ASIC2: variants seen among roughly 807,000 people sequenced by gnomAD.
ASIC2 encodes the protein acid-sensing ion channel 2.
In ASIC2, 25 loss-of-function variants were observed where a neutral mutation model predicts 57.3. The observed-to-expected ratio is 0.44, with a 90% CI of 0.32 to 0.61. The LOEUF (loss-of-function observed/expected upper bound fraction) is 0.61. Ranked by LOEUF, ASIC2 falls within the 20% of genes least tolerant of loss-of-function variation. The pLI is 0.06. For synonymous variants in ASIC2, 319 were observed against 307.5 expected, an observed-to-expected ratio of 1.04 and a Z score of -0.39; for missense variants, 641 against 738.1, an observed-to-expected ratio of 0.87 and a Z score of 1.52.
chr17:34,002,664 G>A (rs914137270), intron 1 of ASIC2: 6 of 152,156 alleles, frequency 3.9e-5, no homozygotes, highest in Non-Finnish European at 1.5e-5. Context: ...AAGGGAAACT[G>A]TGCTGTATCC....
intron 1 of ASIC2, among the ~76,000 whole-genome samples, chr17:33,202,853 A>G (rs1252091456): frequency 6.6e-6 from 1 of 152,012 alleles, no homozygotes; most frequent in Non-Finnish European, 1.5e-5. Flanking sequence ...GGGGATGGTC[A>G]TGTCCTTCAG....
intron 1 of ASIC2, among the ~76,000 whole-genome samples, chr17:33,867,575 C>G: frequency 6.6e-6 from 1 of 152,118 alleles, no homozygotes; most frequent in East Asian, 1.9e-4. Context: ...ATTAAGGAGG[C>G]TATGAGGGTT....
chr17:33,174,243 A>G (rs111545568), intron 1 of ASIC2, among the ~76,000 whole-genome samples: 8,514 of 151,990 alleles, frequency 0.056, 579 homozygotes, highest in African/African-American at 0.15. Flanking sequence ...CCAACATGGT[A>G]AAACCCTGTC....
chr17:33,739,975 GAAAGAAAGAAA>G (rs1473831545), intron 1 of ASIC2, among the ~76,000 whole-genome samples: 1 of 143,752 alleles, frequency 7.0e-6, no homozygotes, highest in African/African-American at 2.6e-5. Flanking sequence ...AAAGAAGAAA[GAAAGAAAGAAA>G]AAAGAAAGAA....
At chr17:33,945,820 C>T (rs2141981763) in intron 1 of ASIC2, among the ~76,000 whole-genome samples, 1 of 152,330 alleles carries the variant, frequency 6.6e-6, no homozygotes, top group Non-Finnish European at 1.5e-5. Context: ...CTGGTCAGAG[C>T]AGCAGGCAGT....
intron 3 of ASIC2, among the ~76,000 whole-genome samples, chr17:33,043,088 G>A (rs771158963): frequency 9.2e-5 from 14 of 152,038 alleles, no homozygotes; most frequent in African/African-American, 2.4e-4. Context: ...CACCACGCCC[G>A]GCTAATTTTT....
chr17:33,534,207 A>C (rs1915151182), intron 1 of ASIC2: 1 of 152,096 alleles, frequency 6.6e-6, no homozygotes, highest in South Asian at 2.1e-4. Context: ...ATCACTCCCC[A>C]GCATCATTCT....
chr17:33,953,117 T>G, intron 1 of ASIC2, among the ~76,000 whole-genome samples: 1 of 152,296 alleles, frequency 6.6e-6, no homozygotes, highest in Admixed American at 6.5e-5. Context: ...TATGAGATCA[T>G]CTACATACAA....
chr17:34,122,009 C>T (rs1375243407), intron 1 of ASIC2, among the ~76,000 whole-genome samples: 1 of 152,110 alleles, frequency 6.6e-6, no homozygotes, highest in Non-Finnish European at 1.5e-5. Context: ...CAGTGCTTTG[C>T]TGCAGGGAGC....
At chr17:33,407,638 A>G (rs2048648052) in intron 1 of ASIC2, among the ~76,000 whole-genome samples, 1 of 152,230 alleles carries the variant, frequency 6.6e-6, no homozygotes, top group Non-Finnish European at 1.5e-5. Context: ...AATTTAATAA[A>G]ATAAAGTTAG....
intron 1 of ASIC2, among the ~76,000 whole-genome samples, chr17:33,689,982 G>A (rs1908315602): frequency 6.6e-6 from 1 of 152,236 alleles, no homozygotes; most frequent in African/African-American, 2.4e-5. Context: ...CTCCAAAACT[G>A]AGTCCAGAAA....
intron 1 of ASIC2, among the ~76,000 whole-genome samples, chr17:33,154,877 G>C (rs1904936053): frequency 6.6e-6 from 1 of 152,186 alleles, no homozygotes; most frequent in East Asian, 1.9e-4. Flanking sequence ...TTTCCTAACA[G>C]GTGGTTTGTG....
chr17:33,098,978 A>T lies in ASIC2; in HGVS notation c.860-9988T>A, dbSNP rs12325816. Among the ~76,000 whole-genome samples the T allele has an allele frequency of 2.3e-3, 345 of 148,566 alleles. 2 individuals carry two copies. The highest frequency in any genetic ancestry group is 8.4e-3 in the East Asian group (43 of 5,144). ...TATAAACAAAAATATATAAACAAAA[A>T]ATATATATATAAAAACAAAATATAT... On this transcript the variant is annotated intron_variant, in intron 2 of 9. Coordinates refer to ENST00000225823, the MANE Select transcript of ASIC2 (RefSeq NM_183377.2).
intron 2 of ASIC2, among the ~76,000 whole-genome samples, chr17:33,097,915 A>G (rs2092190057): frequency 6.6e-6 from 1 of 152,240 alleles, no homozygotes; most frequent in African/African-American, 2.4e-5. Context: ...GGAAAGCCCA[A>G]GGCCAGGGAA....
chr17:33,464,502 T>TTC (rs1206749400), intron 1 of ASIC2, among the ~76,000 whole-genome samples: 35 of 37,188 alleles, frequency 9.4e-4, no homozygotes, highest in South Asian at 3.4e-3. Context: ...CTTTCTTTCT[T>TTC]TCTTTCTTTC....
rs1231626009 is a variant in ASIC2 at position 33,435,057 on chromosome 17, A to G, written c.556-322990T>C. ...TCAAGAAACCAGGACACTCATTTTGAAGGGACAGAGATACAGACATACTAG... is the reference window on the plus strand; with the variant it reads ...TCAAGAAACCAGGACACTCATTTTGGAGGGACAGAGATACAGACATACTAG... On this transcript the variant is annotated intron_variant, in intron 1 of 9. Transcript: ENST00000359872. Among the ~76,000 whole-genome samples the G allele has an allele frequency of 3.3e-5, 5 of 152,344 alleles. No individual in the cohort carries two copies. The East Asian group carries it at 9.6e-4, about 29-fold the overall frequency.
chr17:33,728,541 A>T (rs1050651249), intron 1 of ASIC2, among the ~76,000 whole-genome samples: 2 of 152,080 alleles, frequency 1.3e-5, no homozygotes, highest in African/African-American at 4.8e-5. Context: ...ACCTTTCCTT[A>T]GAGACCTTAT....
chr17:33,864,112 A>G (rs1003399434), intron 1 of ASIC2, among the ~76,000 whole-genome samples: 3 of 152,112 alleles, frequency 2.0e-5, no homozygotes, highest in African/African-American at 7.2e-5. Flanking sequence ...CATGTTGGTC[A>G]GGGTGGTCTC....
At chr17:33,599,344 A>C (rs1225146236) in intron 1 of ASIC2, among the ~76,000 whole-genome samples, 1 of 152,140 alleles carries the variant, frequency 6.6e-6, no homozygotes, top group African/African-American at 2.4e-5. Flanking sequence ...GAAGGGAGAA[A>C]AGGAGCCTGA....
Sources: gnomAD v4.1 joint callset for allele counts (sites outside exome capture counted in the v4.1 genomes callset) on GRCh38, gnomAD v4.1.1 for gene constraint, MANE v1.5 for transcripts, NCBI Gene and HGNC (gene_info 2026-07-23, HGNC 2026-07-21) for gene names.